Variants in GALNT13 observed in about 807,000 individuals in gnomAD.
The protein encoded by GALNT13 is polypeptide N-acetylgalactosaminyltransferase 13.
Under a neutral mutation model 64.2 loss-of-function variants are expected in GALNT13, and 28 were observed. The observed-to-expected ratio is 0.44, with a 90% confidence interval of 0.32 to 0.60. The LOEUF is 0.60. Ranked by LOEUF, GALNT13 falls within the 20% of genes least tolerant of loss-of-function variation. The pLI is 0.05. For missense variants in GALNT13, 577 were observed against 669.8 expected, an observed-to-expected ratio of 0.86 and a Z score of 1.53; for synonymous variants, 214 against 224.6, an observed-to-expected ratio of 0.95 and a Z score of 0.42.
the GALNT13 span, among the ~76,000 whole-genome samples, chr2:153,851,259 G>A: frequency 0.81 from 123,513 of 152,110 alleles, 51,549 homozygotes; most frequent in Non-Finnish European, 0.9. Flanking sequence ...TGTATTAAAA[G>A]TACTTAAAAC....
At chr2:153,671,911 G>A in the GALNT13 span, among the ~76,000 whole-genome samples, 1 of 152,088 alleles carries the variant, frequency 6.6e-6, no homozygotes, top group Non-Finnish European at 1.5e-5. Flanking sequence ...CCTGGTCTCT[G>A]ATAAAACAGA....
At chr2:153,423,426 A>G in the GALNT13 span, 1 of 151,940 alleles carries the variant, frequency 6.6e-6, no homozygotes, top group African/African-American at 2.4e-5. Flanking sequence ...ATAAAATGTT[A>G]AAAACATGCC....
intron 4 of GALNT13, among the ~76,000 whole-genome samples, chr2:154,165,942 T>A (rs370096534): frequency 9.2e-5 from 14 of 152,336 alleles, no homozygotes; most frequent in East Asian, 3.9e-4. Flanking sequence ...TTGCTTGACA[T>A]CTTTGGGCAC....
At chr2:153,718,905 A>T in the GALNT13 span, among the ~76,000 whole-genome samples, 1 of 152,150 alleles carries the variant, frequency 6.6e-6, no homozygotes, top group Non-Finnish European at 1.5e-5. Flanking sequence ...ATGTTTTTAC[A>T]CTACATGTCT....
chr2:153,974,868 T>A (rs2105138760), intron 3 of GALNT13, among the ~76,000 whole-genome samples: 1 of 152,150 alleles, frequency 6.6e-6, no homozygotes, highest in Admixed American at 6.6e-5. Flanking sequence ...GTTTTGACAG[T>A]CTCCCTATGT....
intron 6 of GALNT13, among the ~76,000 whole-genome samples, chr2:154,244,750 A>G (rs989578614): frequency 2.6e-5 from 4 of 152,188 alleles, no homozygotes; most frequent in Admixed American, 2.6e-4. Flanking sequence ...TTAAAAGTGT[A>G]CCTAATGATT....
chr2:153,522,104 G>C, the GALNT13 span, among the ~76,000 whole-genome samples: 1 of 152,080 alleles, frequency 6.6e-6, no homozygotes, highest in East Asian at 1.9e-4. Flanking sequence ...GGAGGCCGTG[G>C]TGGGCAGATC....
the GALNT13 span, among the ~76,000 whole-genome samples, chr2:153,141,548 C>T: frequency 6.6e-6 from 1 of 151,984 alleles, no homozygotes; most frequent in Non-Finnish European, 1.5e-5. Flanking sequence ...CTGCAGTTCT[C>T]AACTGGGAGC....
intron 9 of GALNT13, among the ~76,000 whole-genome samples, chr2:154,347,255 C>T (rs747691272): frequency 2.6e-5 from 4 of 152,126 alleles, no homozygotes; most frequent in South Asian, 2.1e-4. Flanking sequence ...TGCTATTGCC[C>T]GTTTATTTGT....
intron 4 of GALNT13, among the ~76,000 whole-genome samples, chr2:154,235,772 C>T (rs1689161429): frequency 1.3e-5 from 2 of 152,226 alleles, no homozygotes; most frequent in South Asian, 4.1e-4. Flanking sequence ...TGTGATTTCA[C>T]ATTCTCATCT....
At chr2:154,214,079 A>G (rs1195576346) in intron 4 of GALNT13, among the ~76,000 whole-genome samples, 1 of 152,222 alleles carries the variant, frequency 6.6e-6, no homozygotes, top group Non-Finnish European at 1.5e-5. Flanking sequence ...GTAATGAATT[A>G]TTGATAAATT....
chr2:153,968,500 A>G (rs1693529013), intron 3 of GALNT13, among the ~76,000 whole-genome samples: 1 of 151,992 alleles, frequency 6.6e-6, no homozygotes, highest in Non-Finnish European at 1.5e-5. Flanking sequence ...TATCCCCTTC[A>G]ATGCCTTTTT....
At chr2:154,376,176 G>C (rs1697982461) in intron 9 of GALNT13, among the ~76,000 whole-genome samples, 1 of 152,100 alleles carries the variant, frequency 6.6e-6, no homozygotes, top group Admixed American at 6.5e-5. Context: ...ATATGAAGAT[G>C]GTTGAAACAG....
At chr2:153,739,296 C>T in the GALNT13 span, among the ~76,000 whole-genome samples, 1 of 151,742 alleles carries the variant, frequency 6.6e-6, no homozygotes, top group South Asian at 2.1e-4. Context: ...CAAGTAAATT[C>T]ACATCCTAGT....
At chr2:153,476,915 C>A in the GALNT13 span, among the ~76,000 whole-genome samples, 1 of 152,034 alleles carries the variant, frequency 6.6e-6, no homozygotes, top group Admixed American at 6.5e-5. Flanking sequence ...CCCAAAGCCG[C>A]CTGGCTGACG....
chr2:154,071,668 A>G (rs1273636630), intron 3 of GALNT13, among the ~76,000 whole-genome samples: 2 of 152,154 alleles, frequency 1.3e-5, no homozygotes, highest in Non-Finnish European at 2.9e-5. Context: ...TGTACAGAAC[A>G]TTGAAAAATG....
rs529995312 is a variant in GALNT13 at position 154,306,921 on chromosome 2, T to A, written c.1156+5332T>A. Among the ~76,000 whole-genome samples the A allele has an allele frequency of 8.5e-5, 13 of 152,218 alleles. No individual in the cohort carries two copies. The East Asian group carries it at 2.5e-3, about 29-fold the overall frequency. ...AAACCATAATTTTTCATCTTGTGGC[T>A]AATTTGTTAGTCCTACAAAGGCAGA... On this transcript the variant is annotated intron_variant, in intron 9 of 12. Transcript: ENST00000392825.
At chr2:153,870,582 A>G (rs1379111391), upstream of GALNT13, among the ~76,000 whole-genome samples, 1 of 151,982 alleles carries the variant, frequency 6.6e-6, no homozygotes, top group Non-Finnish European at 1.5e-5. Context: ...TAAATGCTCC[A>G]TAATTGACGG....
intron 3 of GALNT13, among the ~76,000 whole-genome samples, chr2:154,076,281 A>C (rs71417290): frequency 0.2 from 30,823 of 151,690 alleles, 4,044 homozygotes; most frequent in Middle Eastern, 0.32. Context: ...GAATTCAAAT[A>C]GTTAAACACA....
Sources: allele counts gnomAD v4.1 joint callset (sites outside exome capture counted in the v4.1 genomes callset), GRCh38; gene constraint gnomAD v4.1.1; transcripts MANE v1.5; gene names NCBI Gene and HGNC (gene_info 2026-07-23, HGNC 2026-07-21).